The following CAB39L variants were observed in gnomAD, a reference collection of about 807,000 sequenced individuals.
CAB39L encodes the protein calcium binding protein 39 like.
CAB39L carries 23 observed loss-of-function variants against 39.1 expected under a neutral mutation model. The ratio of observed to expected loss-of-function variants is 0.59; its 90% confidence interval spans 0.42 to 0.83. The LOEUF is 0.83. Ranked by LOEUF, CAB39L falls within the 40% of genes least tolerant of loss-of-function variation. The pLI is 0.00. For synonymous variants in CAB39L, 126 were observed against 137.2 expected (o/e 0.92, Z 0.57); for missense variants, 366 against 391.9 (o/e 0.93, Z 0.56).
intron 4 of CAB39L, 187 bp downstream of exon 4, chr13:49,382,613 T>TA (rs774455882): frequency 4.7e-4 from 240 of 510,326 alleles, no homozygotes; most frequent in Non-Finnish European, 7.1e-4. Context: ...AGAGTGAACC[T>TA]AAAGTTCATC....
chr13:49,400,643 A>G (rs1289461721), intron 3 of CAB39L, among the ~76,000 whole-genome samples: 2 of 152,188 alleles, frequency 1.3e-5, no homozygotes, highest in Non-Finnish European at 2.9e-5. Context: ...GTCTAAAAGA[A>G]GCAGTCAACA....
chr13:49,328,499 T>A (rs1954569962), intron 10 of CAB39L, among the ~76,000 whole-genome samples: 1 of 152,216 alleles, frequency 6.6e-6, no homozygotes, highest in Non-Finnish European at 1.5e-5. Flanking sequence ...TATGATTTCT[T>A]TTTTGAACAG....
chr13:49,411,720 TA>T (rs1369106697), intron 3 of CAB39L, among the ~76,000 whole-genome samples: 17 of 152,130 alleles, frequency 1.1e-4, no homozygotes, highest in African/African-American at 4.1e-4. Flanking sequence ...TCGACTTAAG[TA>T]TATCCCGAGG....
chr13:49,371,549 A>G (rs1210135655), intron 5 of CAB39L, among the ~76,000 whole-genome samples: 3 of 152,198 alleles, frequency 2.0e-5, no homozygotes, highest in Non-Finnish European at 4.4e-5. Flanking sequence ...TAGGACTACA[A>G]AATGGCTTAA....
chr13:49,424,536 T>C (rs1296194124), intron 3 of CAB39L, among the ~76,000 whole-genome samples: 5 of 152,260 alleles, frequency 3.3e-5, no homozygotes, highest in African/African-American at 4.8e-5. Flanking sequence ...CCAAGACAAT[T>C]TGAACAAAGT....
chr13:49,375,652 C>G (rs60500875), intron 5 of CAB39L, among the ~76,000 whole-genome samples: 2 of 150,990 alleles, frequency 1.3e-5, no homozygotes, highest in Non-Finnish European at 3.0e-5. Flanking sequence ...GTTGTGGGGT[C>G]GGGGGAGCGG....
At chr13:49,352,449 GC>G (rs1462784473) in intron 6 of CAB39L, among the ~76,000 whole-genome samples, 6 of 151,492 alleles carry the variant, frequency 4.0e-5, no homozygotes, top group African/African-American at 7.3e-5. Flanking sequence ...AGAATATAGG[GC>G]CCCCTCCAAA....
intron 1 of CAB39L, among the ~76,000 whole-genome samples, chr13:49,440,768 C>T (rs1242668352): frequency 6.9e-6 from 1 of 143,914 alleles, no homozygotes; most frequent in African/African-American, 2.6e-5. Context: ...GTATGGCTAT[C>T]GTAAACAGGA....
At chr13:49,319,215 G>T (rs1954278126) in intron 10 of CAB39L, among the ~76,000 whole-genome samples, 2 of 152,080 alleles carry the variant, frequency 1.3e-5, no homozygotes, top group South Asian at 4.1e-4. Context: ...CTGTACTCCA[G>T]CCTGGTGACA....
At chr13:49,398,376 C>A (rs1306196179) in intron 3 of CAB39L, among the ~76,000 whole-genome samples, 2 of 152,020 alleles carry the variant, frequency 1.3e-5, no homozygotes, top group African/African-American at 4.8e-5. Context: ...ATGTGACTAT[C>A]AGCTAAATAT....
At chr13:49,412,820 A>C (rs56042151) in intron 3 of CAB39L, 53,304 of 151,982 alleles carry the variant, frequency 0.35, 9,689 homozygotes, top group Middle Eastern at 0.41. Flanking sequence ...CAGTTCACAG[A>C]AGGGTTTGTG....
chr13:49,402,768 T>G (rs143846355), intron 3 of CAB39L, among the ~76,000 whole-genome samples: 1,904 of 152,292 alleles, frequency 0.013, 19 homozygotes, highest in Non-Finnish European at 0.019. Flanking sequence ...GAATTAAAAT[T>G]TAACTATATT....
chr13:49,366,285 A>G (rs1276182655), intron 5 of CAB39L, among the ~76,000 whole-genome samples: 1 of 152,166 alleles, frequency 6.6e-6, no homozygotes, highest in African/African-American at 2.4e-5. Flanking sequence ...CCAATTTTCC[A>G]TGATGTGGTT....
chr13:49,403,653 T>C (rs1956819570), intron 3 of CAB39L, among the ~76,000 whole-genome samples: 1 of 151,312 alleles, frequency 6.6e-6, no homozygotes, highest in African/African-American at 2.4e-5. Context: ...AAGATCTACA[T>C]CAGATTTCTA....
chr13:49,322,108 A>G (rs1223791170), intron 10 of CAB39L, among the ~76,000 whole-genome samples: 7 of 152,184 alleles, frequency 4.6e-5, no homozygotes, highest in Admixed American at 1.3e-4. Flanking sequence ...TTATCATCCC[A>G]AAAAGAAACC....
chr13:49,366,440 A>C (rs1472879823), intron 5 of CAB39L, among the ~76,000 whole-genome samples: 6 of 152,070 alleles, frequency 3.9e-5, no homozygotes, highest in Non-Finnish European at 7.4e-5. Context: ...CAGCATGGCC[A>C]AGATGGTGAA....
chr13:49,408,558 G>A (rs989426639), intron 3 of CAB39L, among the ~76,000 whole-genome samples: 18 of 152,278 alleles, frequency 1.2e-4, no homozygotes, highest in Admixed American at 1.2e-3. Context: ...AACTGGCTGG[G>A]CGTAGTGGCT....
chr13:49,334,227 T>C (rs1475884174), intron 9 of CAB39L, among the ~76,000 whole-genome samples: 1 of 152,172 alleles, frequency 6.6e-6, no homozygotes, highest in African/African-American at 2.4e-5. Context: ...TCCGATCCAT[T>C]CTGCACATTT....
intron 8 of CAB39L, 58 bp downstream of exon 8, chr13:49,344,121 G>A: frequency 2.0e-6 from 2 of 1,006,428 alleles, no homozygotes; most frequent in Non-Finnish European, 3.2e-6. Flanking sequence ...ATTGCTCATA[G>A]ATCTAAAAGG....
Sources: gnomAD v4.1 joint callset for allele counts (sites outside exome capture counted in the v4.1 genomes callset) on GRCh38, gnomAD v4.1.1 for gene constraint, MANE v1.5 for transcripts, NCBI Gene and HGNC (gene_info 2026-07-23, HGNC 2026-07-21) for gene names.